Variants in PSMB3 observed in about 807,000 individuals in gnomAD.
PSMB3 encodes the protein proteasome subunit beta type-3.
Under a neutral mutation model 23.3 loss-of-function variants are expected in PSMB3, and 5 were observed. That is an observed-to-expected ratio of 0.21 (90% CI 0.11 to 0.45). The LOEUF (loss-of-function observed/expected upper bound fraction) is 0.45, where lower values mean the gene tolerates loss of function less well. Ranked by LOEUF, PSMB3 falls within the 20% of genes least tolerant of loss-of-function variation. PSMB3 has a pLI of 0.99. For synonymous variants in PSMB3, 85 were observed against 99.8 expected, an observed-to-expected ratio of 0.85 and a Z score of 0.88; for missense variants, 192 against 277.9, an observed-to-expected ratio of 0.69 and a Z score of 2.20.
Position 38,762,515 on chromosome 17 carries a change from G to A in PSMB3, c.569+10G>A, listed in dbSNP as rs776792428. 6.2e-7 allele frequency: 1 copy of A among 1,611,128 alleles called. No homozygotes were observed. The highest frequency in any genetic ancestry group is 8.5e-7 in the Non-Finnish European group (1 of 1,177,296). ...TCATTGTCCACATCATGTGAGTATG[G>A]GCTGGGAGAAGTCTAGAAGCTCTGC... On this transcript the variant is annotated intron_variant, in intron 5 of 5. Transcript: ENST00000619426.
intron 3 of PSMB3, among the ~76,000 whole-genome samples, chr17:38,756,538 C>G (rs1055663017): frequency 1.3e-5 from 2 of 152,118 alleles, no homozygotes; most frequent in Admixed American, 6.5e-5. Flanking sequence ...CTCTGTCACC[C>G]AGGCTGGAGT....
chr17:38,755,989 C>A lies in PSMB3; in HGVS notation c.295C>A (p.Arg99=), dbSNP rs1253327486. The change falls in exon 3 of 6, where the codon CGG becomes AGG. Residue 99 remains arginine, a splice_region_variant and synonymous_variant. Coordinates refer to ENST00000619426, the MANE Select transcript of PSMB3 (RefSeq NM_002795.4). The stretch of plus-strand genomic sequence containing the variant: ...GGTGGCCAACCTCTTGTATGAGAAA[C>A]GGTGAGTGCAAGTGTAGCTAGCACT... ...SMVANLLYEK[R]FGPYYTEPVI... 2 of 1,608,066 alleles carry A rather than the reference C, an allele frequency of 1.2e-6. No homozygotes were observed. The highest frequency in any genetic ancestry group is 1.7e-5 in the Admixed American group (1 of 59,984).
At chr17:38,756,244 T>C (rs530858844) in intron 3 of PSMB3, among the ~76,000 whole-genome samples, 2 of 152,096 alleles carry the variant, frequency 1.3e-5, no homozygotes, top group South Asian at 4.1e-4. Context: ...CCCACCAGAG[T>C]GTTCTGGGGT....
rs559805220 is a variant in PSMB3, at chr17:38,756,051, A to G, written c.296+61A>G. The G allele has an allele frequency of 6.8e-6, 9 of 1,314,044 alleles. No homozygotes were observed. The South Asian group carries it at 9.6e-5, about 14-fold the overall frequency. The allele number at this position is 1,314,044 out of a possible 1,614,324, so 81.4% of individuals were successfully genotyped here. A position where few individuals can be genotyped will look rare whatever the true frequency, so the allele number is the denominator to read the frequency against. Reference sequence around the variant, plus strand: ...GACATCTTTGAATGTAGTATGGAGTAGGTACTGAGGAAGAGGACTCTCCTT... The same window carrying G: ...GACATCTTTGAATGTAGTATGGAGTGGGTACTGAGGAAGAGGACTCTCCTT... On this transcript the variant is annotated intron_variant, in intron 3 of 5. Transcript: ENST00000619426.
At chr17:38,754,709 G>A (rs945190364) in intron 2 of PSMB3, among the ~76,000 whole-genome samples, 2 of 152,078 alleles carry the variant, frequency 1.3e-5, no homozygotes, top group South Asian at 2.1e-4. Context: ...TTCTCACTGC[G>A]TTTGCTTCCT....
Position 38,752,813 on chromosome 17 carries a change from A to G in PSMB3, c.-14A>G, listed in dbSNP as rs1393700052. 4.3e-6 allele frequency: 7 copies of G among 1,614,010 alleles called. No homozygotes were observed. In the South Asian group the frequency reaches 7.7e-5, roughly 18 times the overall value. On this transcript the variant is annotated 5_prime_UTR_variant, in exon 1 of 6. Transcript: ENST00000619426. This position sits in a 1 kb window ranked among gnomAD's most constrained non-coding sequence, Gnocchi z 5.5. Reference sequence around the variant, plus strand: ...ATTGCTCTGGCGATCGAGGGATCCTAGTACACCGCAATCATGGTGAGATGG... The same window carrying G: ...ATTGCTCTGGCGATCGAGGGATCCTGGTACACCGCAATCATGGTGAGATGG...
At chr17:38,757,088 G>A (rs1964803168) in intron 3 of PSMB3, among the ~76,000 whole-genome samples, 1 of 140,104 alleles carries the variant, frequency 7.1e-6, no homozygotes, top group Non-Finnish European at 1.5e-5. Context: ...CACCACGCTG[G>A]TCGGGCTGGT....
chr17:38,762,018 AG>A (rs146118001), intron 4 of PSMB3: 3,669 of 176,046 alleles, frequency 0.021, 157 homozygotes, highest in African/African-American at 0.082. Flanking sequence ...GTGGTTGGAC[AG>A]GTTGGGTTTT....
intron 3 of PSMB3, among the ~76,000 whole-genome samples, chr17:38,757,414 G>A (rs1908250451): frequency 6.6e-6 from 1 of 151,944 alleles, no homozygotes; most frequent in Admixed American, 6.5e-5. Context: ...AGCCACTCGG[G>A]AAGCTGAAGC....
chr17:38,762,669 G>A (rs1339119005), intron 5 of PSMB3, among the ~76,000 whole-genome samples, 164 bp downstream of exon 5: 3 of 152,198 alleles, frequency 2.0e-5, no homozygotes, highest in African/African-American at 7.2e-5. Flanking sequence ...CCCTATGGCT[G>A]GTAACTGGCA....
chr17:38,761,869 G>A (rs983488623), intron 4 of PSMB3, among the ~76,000 whole-genome samples: 7 of 152,226 alleles, frequency 4.6e-5, no homozygotes, highest in African/African-American at 1.7e-4. Context: ...TGGCAGTGGG[G>A]AGGCAGGAAG....
chr17:38,753,122 G>GC (rs775621923), intron 1 of PSMB3, 28 bp from the exon 2 acceptor site: 882 of 1,585,818 alleles, frequency 5.6e-4, no homozygotes, highest in Non-Finnish European at 7.1e-4. Flanking sequence ...GACCCCCCGC[G>GC]CTGACCCCTC....
chr17:38,753,063 T>C, intron 1 of PSMB3, 87 bp from the exon 2 acceptor site: 1 of 1,410,280 alleles, frequency 7.1e-7, no homozygotes, highest in South Asian at 1.4e-5. Flanking sequence ...AGAACGGGCG[T>C]ACAGGAGCCT....
chr17:38,761,075 C>T (rs1010675726), intron 4 of PSMB3, among the ~76,000 whole-genome samples: 70 of 151,528 alleles, frequency 4.6e-4, no homozygotes, highest in African/African-American at 1.6e-3. Flanking sequence ...GGAAGCCGGG[C>T]GCGGTGGCTC....
intron 3 of PSMB3, among the ~76,000 whole-genome samples, chr17:38,757,034 ATTTTTTTT>A (rs35172699): frequency 1.5e-4 from 10 of 65,690 alleles, no homozygotes; most frequent in Admixed American, 9.3e-4. Context: ...CACCTGGCTA[ATTTTTTTT>A]TTTTTTTTTT....
rs140865418 is a variant in PSMB3 at position 38,757,541 on chromosome 17, G to T, written c.296+1551G>T. On this transcript the variant is annotated intron_variant, in intron 3 of 5. Coordinates refer to ENST00000619426, the MANE Select transcript of PSMB3 (RefSeq NM_002795.4). ...TCAAAAGAAATAAAAAATAGGTCGG[G>T]CGTGGTGGCTCATGCCTGTAATCCC... Among the ~76,000 whole-genome samples the T allele has an allele frequency of 3.6e-3, 543 of 151,862 alleles. 7 individuals are homozygous for T. Among genetic ancestry groups the T allele is most frequent in the African/African-American group, 0.013 (533 of 41,446 alleles).
At chr17:38,764,064 A>C in intron 5 of PSMB3, 55 bp from the exon 6 acceptor site, 1 of 1,607,628 alleles carries the variant, frequency 6.2e-7, no homozygotes, top group Non-Finnish European at 8.5e-7. Flanking sequence ...AGAGCTAGTC[A>C]CAGTCACGGT....
Position 38,753,007 on chromosome 17 carries a change from G to A in PSMB3, c.4-143G>A, listed in dbSNP as rs564158754. On this transcript the variant is annotated intron_variant, in intron 1 of 5. Transcript: ENST00000619426. ...GTGCGGCTCATTGCCGCCACACAGT[G>A]CTCATCCCAGCTGGAGAACCAGGGG... 4.6e-5 allele frequency: 57 copies of A among 1,233,390 alleles called. No homozygotes were observed. In the East Asian group the frequency reaches 1.3e-3, roughly 27 times the overall value. The allele number at this position is 1,233,390 out of a possible 1,614,324, so 76.4% of individuals were successfully genotyped here.
chr17:38,760,476 G>A lies in PSMB3; in HGVS notation c.342G>A (p.Pro114=), dbSNP rs770376472. ...YTEPVIAGLD[P]KTFKPFICSL... Reference sequence around the variant, plus strand: ...AGCCAGTCATTGCCGGGTTGGACCCGAAGACCTTTAAGCCCTTCATTTGCT... The same window carrying A: ...AGCCAGTCATTGCCGGGTTGGACCCAAAGACCTTTAAGCCCTTCATTTGCT... Residue 114 remains proline, a synonymous_variant, in exon 4 of 6, where the codon CCG becomes CCA. Transcript: ENST00000619426. 9 of 1,614,108 alleles carry A rather than the reference G, an allele frequency of 5.6e-6. No homozygotes were observed. The highest frequency in any genetic ancestry group is 3.3e-5 in the Admixed American group (2 of 60,012).
Sources: gnomAD v4.1 joint callset for allele counts (sites outside exome capture counted in the v4.1 genomes callset) on GRCh38, gnomAD v4.1.1 for gene constraint, Gnocchi (gnomAD v3.1) non-coding constraint, MANE v1.5 for transcripts, NCBI Gene and HGNC (gene_info 2026-07-23, HGNC 2026-07-21) for gene names.